The following CP variants were observed in gnomAD, a reference collection of about 807,000 sequenced individuals.
The protein encoded by CP is caeruloplasmin.
CP carries 64 observed loss-of-function variants against 122.4 expected under a neutral mutation model. That is an observed-to-expected ratio of 0.52 (90% CI 0.43 to 0.64). The LOEUF (loss-of-function observed/expected upper bound fraction) is 0.64. Among genes scored for constraint, CP ranks in the 30% least tolerant of loss-of-function variants. CP has a pLI of 0.00. For missense variants in CP, 1,167 were observed against 1,284.4 expected, an observed-to-expected ratio of 0.91 and a Z score of 1.40; for synonymous variants, 440 against 436.4, an observed-to-expected ratio of 1.01 and a Z score of -0.10.
At chr3:149,209,539 C>T (rs560696291) in intron 3 of CP, among the ~76,000 whole-genome samples, 155 bp from the exon 4 acceptor site, 3 of 152,222 alleles carry the variant, frequency 2.0e-5, no homozygotes, top group East Asian at 3.9e-4. Context: ...CAGACAGAAA[C>T]ACTCAGGGAA....
At chr3:149,176,875 C>T (rs1171191922) in intron 17 of CP, among the ~76,000 whole-genome samples, 4 of 152,070 alleles carry the variant, frequency 2.6e-5, no homozygotes, top group African/African-American at 9.7e-5. Flanking sequence ...CAGGGAGTCT[C>T]GGCTGGAAAC....
intron 1 of CP, among the ~76,000 whole-genome samples, chr3:149,220,660 G>A (rs1728750444): frequency 6.6e-6 from 1 of 151,988 alleles, no homozygotes; most frequent in Non-Finnish European, 1.5e-5. Context: ...TAATGTTAAA[G>A]AAAATAGTAT....
chr3:149,190,650 T>G (rs1291063525), intron 9 of CP, among the ~76,000 whole-genome samples: 1 of 121,498 alleles, frequency 8.2e-6, no homozygotes, highest in Non-Finnish European at 1.6e-5. Context: ...AGAGGAAGAC[T>G]CTGTCTAAAA....
intron 14 of CP, chr3:149,179,925 TAGG>T: frequency 2.3e-6 from 1 of 425,694 alleles, no homozygotes; most frequent in South Asian, 2.4e-5. Context: ...ACCACAAAGC[TAGG>T]AGGTGTGTAC....
At chr3:149,167,126 T>C in intron 4 of CP, 1 of 1,613,870 alleles carries the variant, frequency 6.2e-7, no homozygotes, top group African/African-American at 1.3e-5. Flanking sequence ...TCAGTGTCCA[T>C]GTTCTGTGTC....
chr3:149,208,095 T>C (rs1727864716), intron 4 of CP, among the ~76,000 whole-genome samples: 1 of 151,904 alleles, frequency 6.6e-6, no homozygotes, highest in Non-Finnish European at 1.5e-5. Flanking sequence ...TAAGAATAGC[T>C]TTTTTTTAAA....
chr3:149,163,275 A>G (rs1724069976), intron 5 of CP, among the ~76,000 whole-genome samples: 1 of 152,132 alleles, frequency 6.6e-6, no homozygotes, highest in African/African-American at 2.4e-5. Flanking sequence ...TGGGAGGGAG[A>G]CTGCCTTAGT....
intron 14 of CP, 30 bp downstream of exon 14, chr3:149,181,975 C>CTGGGGGGGGGG: frequency 3.7e-6 from 4 of 1,088,426 alleles, no homozygotes; most frequent in Non-Finnish European, 4.1e-6. Context: ...TGTTAAAATG[C>CTGGGGGGGGGG]ACCACCCCCA....
At chr3:149,217,654 T>A (rs1369232964) in intron 1 of CP, among the ~76,000 whole-genome samples, 1 of 152,232 alleles carries the variant, frequency 6.6e-6, no homozygotes, top group Admixed American at 6.5e-5. Flanking sequence ...AAACTTTCAA[T>A]ATGCCCAAGT....
At chr3:149,178,079 T>C in intron 16 of CP, 100 bp from the exon 17 acceptor site, 1 of 1,130,802 alleles carries the variant, frequency 8.8e-7, no homozygotes, top group Non-Finnish European at 1.3e-6. Flanking sequence ...AAGAATCTTT[T>C]TGATGTAATA....
intron 6 of CP, among the ~76,000 whole-genome samples, chr3:149,204,295 T>A (rs1402670695): frequency 2.0e-5 from 3 of 152,164 alleles, no homozygotes; most frequent in African/African-American, 7.2e-5. Flanking sequence ...AATACAAGAC[T>A]GCAGTAGGGA....
At position 149,176,391 on chromosome 3, in the gene CP, C is replaced by G; in HGVS notation, c.3040G>C (p.Asp1014His). 1 of 1,611,770 alleles carries G rather than the reference C, an allele frequency of 6.2e-7. No individual in the cohort carries two copies. The highest frequency in any genetic ancestry group is 8.5e-7 in the Non-Finnish European group (1 of 1,178,058). The part of the protein sequence containing the change: ...QYKHRGVYSS[D>H]VFDIFPGTYQ... ...GTTCCAGGGAAAATGTCAAAGACAT[C>G]AGAACTATAAACTCCCCTGTGCTTA... is the stretch of plus-strand genomic sequence containing the variant. Residue 1014 changes from aspartate to histidine, a missense_variant, in exon 18 of 19, where the codon GAT becomes CAT. Asp to His is a moderately conservative substitution (Grantham distance 81, BLOSUM62 -1). This residue lies in a region of CP where 525 missense variants were observed against 657.2 expected (regional missense o/e 0.80). Transcript: ENST00000264613.
At chr3:149,176,824 G>A (rs1725452008) in intron 17 of CP, 1 of 161,952 alleles carries the variant, frequency 6.2e-6, no homozygotes, top group Non-Finnish European at 1.3e-5. Flanking sequence ...AAAGGAAGCA[G>A]AAAAGGAGGC....
In CP at chr3:149,189,839, A is replaced by G. The variant is rs759993000; in HGVS notation, c.1714-1637T>C. 4.9e-4 allele frequency among the ~76,000 whole-genome samples: 74 copies of G among 152,302 alleles called. 1 individual carries two copies. Among genetic ancestry groups the G allele is most frequent in the Non-Finnish European group, 9.1e-4 (62 of 68,012 alleles). The stretch of plus-strand genomic sequence containing the variant: ...TCATAATGCAATAAAATTAAAAATT[A>G]CTAGTCAAGGACAAAAAGTAAAAAA... On this transcript the variant is annotated intron_variant, in intron 9 of 18. Transcript: ENST00000264613.
At chr3:149,212,309 T>TAA in intron 2 of CP, 142 bp downstream of exon 2, 1 of 833,092 alleles carries the variant, frequency 1.2e-6, no homozygotes, top group Non-Finnish European at 1.7e-6. Flanking sequence ...CAAAAAAAAT[T>TAA]AAAAAAAAAT....
In CP at chr3:149,198,556, A is replaced by G. The variant is rs1378087989; in HGVS notation, c.1524T>C (p.His508=). The G allele has an allele frequency of 1.2e-6, 2 of 1,614,026 alleles. No homozygotes were observed. Among genetic ancestry groups the G allele is most frequent in the East Asian group, 2.2e-5 (1 of 44,872 alleles). The change falls in exon 9 of 19, where the codon CAT becomes CAC. Residue 508 remains histidine, a synonymous_variant. Coordinates refer to ENST00000264613, the MANE Select transcript of CP (RefSeq NM_000096.4). ...AGGTGAATGTTTCTGTGGGTGCCAC[A>G]TGGGAGGCTGAAGGAGGCACACCTG... ...QSRSVPPSAS[H]VAPTETFTYE... is the part of the protein sequence containing the mutation.
At chr3:149,175,016 T>A (rs1725319839) in intron 18 of CP, among the ~76,000 whole-genome samples, 1 of 152,140 alleles carries the variant, frequency 6.6e-6, no homozygotes, top group Non-Finnish European at 1.5e-5. Flanking sequence ...ACAGGAGGAA[T>A]CTTCTCTGTG....
At chr3:149,179,009 G>A (rs987510927) in intron 15 of CP, among the ~76,000 whole-genome samples, 1 of 152,158 alleles carries the variant, frequency 6.6e-6, no homozygotes, top group African/African-American at 2.4e-5. Flanking sequence ...AATGAAATGT[G>A]TAATAATAAA....
chr3:149,204,105 T>G (rs774966676), intron 6 of CP, among the ~76,000 whole-genome samples: 4 of 152,180 alleles, frequency 2.6e-5, no homozygotes, highest in Non-Finnish European at 5.9e-5. Flanking sequence ...AAGCATAGCA[T>G]GCAAGACAGG....
Sources: gnomAD v4.1 joint callset for allele counts (sites outside exome capture counted in the v4.1 genomes callset) on GRCh38, gnomAD v4.1.1 for gene constraint, gnomAD v4.1.1 regional missense constraint, MANE v1.5 for transcripts, NCBI Gene and HGNC (gene_info 2026-07-23, HGNC 2026-07-21) for gene names.